Variants in FNDC3B observed in about 807,000 individuals in gnomAD.
FNDC3B encodes fibronectin type III domain-containing protein 3B.
Under a neutral mutation model 151.5 loss-of-function variants are expected in FNDC3B, and 12 were observed. The ratio of observed to expected loss-of-function variants is 0.08; its 90% confidence interval spans 0.05 to 0.13. The LOEUF is 0.13. FNDC3B is among the 10% of genes least tolerant of loss of function. FNDC3B has a pLI of 1.00. For synonymous variants in FNDC3B, 528 were observed against 549.0 expected (o/e 0.96, Z 0.54); for missense variants, 1,214 against 1,505.3 (o/e 0.81, Z 3.20).
intron 3 of FNDC3B, among the ~76,000 whole-genome samples, chr3:172,210,002 G>A (rs938014843): frequency 6.6e-6 from 1 of 152,250 alleles, no homozygotes; most frequent in South Asian, 2.1e-4. Context: ...TCCGACTGGA[G>A]TGGGTGCCAG....
chr3:172,128,700 G>A (rs1353625879), intron 2 of FNDC3B, among the ~76,000 whole-genome samples: 1 of 152,174 alleles, frequency 6.6e-6, no homozygotes, highest in Admixed American at 6.5e-5. Flanking sequence ...CCTTAGTTGC[G>A]TGGAACTCCT....
At chr3:172,145,811 CTTTTT>C (rs34361134) in intron 3 of FNDC3B, among the ~76,000 whole-genome samples, 5 of 114,126 alleles carry the variant, frequency 4.4e-5, no homozygotes, top group Non-Finnish European at 3.6e-5. Flanking sequence ...AGGTTTCTTT[CTTTTT>C]TTTTTTTTTT....
intron 6 of FNDC3B, among the ~76,000 whole-genome samples, chr3:172,271,035 G>T (rs1729177315): frequency 6.6e-6 from 1 of 152,118 alleles, no homozygotes; most frequent in African/African-American, 2.4e-5. Context: ...TATAAATGTG[G>T]TCTTGTATTT....
Position 172,269,102 on chromosome 3 carries a change from T to C in FNDC3B, c.791-16824T>C, listed in dbSNP as rs528899287. ...AGAATATGACTTACTGCTTTTGGTA[T>C]TACTTGCTGTCTAGAACGTTACAGT... On this transcript the variant is annotated intron_variant, in intron 6 of 25. Transcript: ENST00000415807. 5.9e-5 allele frequency among the ~76,000 whole-genome samples: 9 copies of C among 152,372 alleles called. No individual in the cohort carries two copies. In the South Asian group the frequency reaches 1.0e-3, roughly 18 times the overall value.
intron 6 of FNDC3B, among the ~76,000 whole-genome samples, chr3:172,274,193 T>C (rs1016302308): frequency 1.8e-4 from 27 of 152,226 alleles, no homozygotes; most frequent in Non-Finnish European, 2.9e-5. Context: ...AGCTTCTCTT[T>C]GGATTTCCAA....
intron 4 of FNDC3B, among the ~76,000 whole-genome samples, chr3:172,241,686 C>A (rs1307855503): frequency 6.6e-6 from 1 of 152,252 alleles, no homozygotes; most frequent in East Asian, 1.9e-4. Flanking sequence ...CAGTTACCTC[C>A]CACTCAGTCC....
intron 7 of FNDC3B, among the ~76,000 whole-genome samples, chr3:172,287,135 T>C (rs1257378803): frequency 6.6e-6 from 1 of 152,164 alleles, no homozygotes; most frequent in East Asian, 1.9e-4. Flanking sequence ...GCCCATCAAG[T>C]GGGAGGCTCT....
intron 6 of FNDC3B, among the ~76,000 whole-genome samples, chr3:172,255,945 C>G (rs1051279657): frequency 1.6e-4 from 25 of 152,236 alleles, no homozygotes; most frequent in African/African-American, 6.0e-4. Context: ...CCTTAAGAGA[C>G]TGCCCAGAAG....
intron 4 of FNDC3B, chr3:172,237,738 A>G (rs954342576): frequency 6.6e-6 from 1 of 152,226 alleles, no homozygotes. Flanking sequence ...CACCTATAAA[A>G]CAGACAAAAT....
rs190047637 is a variant in FNDC3B, at chr3:172,395,822, G to A, written c.3304-1342G>A. On this transcript the variant is annotated intron_variant, in intron 25 of 25. Transcript: ENST00000415807. ...AGGTACATGAACAACCAGTAAGCACGTGAAAAGATGCGCAGCATCTTTCAG... is the reference window on the plus strand; with the variant it reads ...AGGTACATGAACAACCAGTAAGCACATGAAAAGATGCGCAGCATCTTTCAG... Among the ~76,000 whole-genome samples, 36 of 152,304 alleles carry A rather than the reference G, an allele frequency of 2.4e-4. No individual in the cohort carries two copies. The East Asian group carries it at 6.0e-3, about 25-fold the overall frequency.
chr3:172,247,376 A>T (rs1727832043), intron 4 of FNDC3B, among the ~76,000 whole-genome samples, 157 bp from the exon 5 acceptor site: 1 of 152,226 alleles, frequency 6.6e-6, no homozygotes, highest in South Asian at 2.1e-4. Flanking sequence ...TCTAGAACTC[A>T]TTTGACTGGT....
intron 24 of FNDC3B, among the ~76,000 whole-genome samples, chr3:172,378,908 G>A (rs1735292263): frequency 6.6e-6 from 1 of 152,126 alleles, no homozygotes; most frequent in Non-Finnish European, 1.5e-5. Flanking sequence ...CTAATCTCCT[G>A]GGGTACTTAT....
intron 11 of FNDC3B, among the ~76,000 whole-genome samples, chr3:172,323,367 G>T (rs1732184912): frequency 6.6e-6 from 1 of 152,026 alleles, no homozygotes; most frequent in South Asian, 2.1e-4. Flanking sequence ...TGAAAATTTA[G>T]CCAGGTGTGG....
At chr3:172,289,728 G>T (rs949518972) in intron 7 of FNDC3B, among the ~76,000 whole-genome samples, 1 of 152,186 alleles carries the variant, frequency 6.6e-6, no homozygotes, top group Admixed American at 6.5e-5. Flanking sequence ...GGGCACAAAC[G>T]CCGGAAGTCT....
At chr3:172,042,406 A>G (rs1716130767) in intron 1 of FNDC3B, among the ~76,000 whole-genome samples, 1 of 152,192 alleles carries the variant, frequency 6.6e-6, no homozygotes, top group East Asian at 1.9e-4. Context: ...GGATAAGTTC[A>G]TTAGGAGCTA....
chr3:172,382,277 G>A (rs1735487467), intron 25 of FNDC3B, among the ~76,000 whole-genome samples: 1 of 152,174 alleles, frequency 6.6e-6, no homozygotes, highest in Non-Finnish European at 1.5e-5. Flanking sequence ...CTTCTTTTGA[G>A]AAGTGTCTGT....
At chr3:172,228,110 A>T (rs1311296415) in intron 4 of FNDC3B, among the ~76,000 whole-genome samples, 1 of 152,244 alleles carries the variant, frequency 6.6e-6, no homozygotes, top group Middle Eastern at 3.4e-3. Context: ...TTACTTACTT[A>T]CTTACATAGC....
In FNDC3B at chr3:172,221,364, G is replaced by A. The variant is rs150322968; in HGVS notation, c.188-5507G>A. The stretch of plus-strand genomic sequence containing the variant: ...TCCTTGTCTAGTTCCTGATGTTGGT[G>A]GAAAGTCTGGTTCTTATAGTCTTCT... On this transcript the variant is annotated intron_variant, in intron 3 of 25. Transcript: ENST00000415807. 4.1e-3 allele frequency among the ~76,000 whole-genome samples: 617 copies of A among 152,260 alleles called. 3 individuals carry two copies. The highest frequency in any genetic ancestry group is 0.014 in the African/African-American group (586 of 41,542).
intron 22 of FNDC3B, among the ~76,000 whole-genome samples, chr3:172,356,806 G>T (rs1734118779): frequency 6.6e-6 from 1 of 152,022 alleles, no homozygotes; most frequent in Non-Finnish European, 1.5e-5. Flanking sequence ...TGATAATCTA[G>T]GGCAGGGGTG....
Sources: gnomAD v4.1 joint callset for allele counts (sites outside exome capture counted in the v4.1 genomes callset) on GRCh38, gnomAD v4.1.1 for gene constraint, MANE v1.5 for transcripts, NCBI Gene and HGNC (gene_info 2026-07-23, HGNC 2026-07-21) for gene names.